PTK2: variants seen among roughly 807,000 people sequenced by gnomAD.
PTK2 encodes the protein focal adhesion kinase 1.
In PTK2, 45 loss-of-function variants were observed where a neutral mutation model predicts 150.1. The ratio of observed to expected loss-of-function variants is 0.30; its 90% CI spans 0.24 to 0.38. PTK2 has a LOEUF of 0.38. PTK2 is among the 10% of genes least tolerant of loss of function. The pLI is 1.00. For missense variants in PTK2, 919 were observed against 1,307.3 expected (o/e 0.70, Z 4.58); for synonymous variants, 432 against 449.2 (o/e 0.96, Z 0.48).
intron 2 of PTK2, among the ~76,000 whole-genome samples, chr8:140,891,714 T>C (rs1313780192): frequency 6.6e-6 from 1 of 152,142 alleles, no homozygotes; most frequent in Non-Finnish European, 1.5e-5. Context: ...CTGCAGGTTG[T>C]CTCCTGAAGA....
intron 4 of PTK2, among the ~76,000 whole-genome samples, chr8:140,871,560 A>G (rs1190836481): frequency 6.6e-6 from 1 of 152,230 alleles, no homozygotes; most frequent in Non-Finnish European, 1.5e-5. Flanking sequence ...GTACTTTAGG[A>G]GACAAAGGCA....
chr8:140,661,470 C>T (rs1224971477), intron 31 of PTK2, among the ~76,000 whole-genome samples: 2 of 152,124 alleles, frequency 1.3e-5, no homozygotes, highest in Non-Finnish European at 2.9e-5. Flanking sequence ...ACTGTGGAAG[C>T]AAACAAGGAA....
intron 16 of PTK2, among the ~76,000 whole-genome samples, chr8:140,760,222 CCA>C (rs916438701): frequency 6.6e-6 from 1 of 151,486 alleles, no homozygotes; most frequent in Non-Finnish European, 1.5e-5. Flanking sequence ...CTCCGTCTCA[CCA>C]AAAAACAAAA....
chr8:140,696,767 AT>A (rs1277037942), intron 26 of PTK2, among the ~76,000 whole-genome samples: 1 of 152,184 alleles, frequency 6.6e-6, no homozygotes, highest in African/African-American at 2.4e-5. Context: ...AGAAACTTTC[AT>A]TTAATCAGTC....
At chr8:140,704,152 TA>T (rs1036935855) in intron 24 of PTK2, among the ~76,000 whole-genome samples, 1 of 152,210 alleles carries the variant, frequency 6.6e-6, no homozygotes. Flanking sequence ...AGAAAACATT[TA>T]GGAATTTTCA....
intron 26 of PTK2, among the ~76,000 whole-genome samples, chr8:140,688,364 C>T (rs759748930): frequency 3.3e-5 from 5 of 152,096 alleles, no homozygotes; most frequent in Admixed American, 6.6e-5. Flanking sequence ...TTCCCTTTCA[C>T]GTAAAAATAT....
rs139164600 is a variant in PTK2 at position 140,914,441 on chromosome 8, T to C, written c.-33+11220A>G. On this transcript the variant is annotated intron_variant, in intron 2 of 31. Coordinates refer to ENST00000522684, the Ensembl canonical transcript of PTK2. ...TGGGTTTTTTTTTTTTAATCTTTTATTTTAGGTTCAGGGGTACACATGAAG... is the reference window on the plus strand; with the variant it reads ...TGGGTTTTTTTTTTTTAATCTTTTACTTTAGGTTCAGGGGTACACATGAAG... Among the ~76,000 whole-genome samples, 1,521 of 152,104 alleles carry C rather than the reference T, an allele frequency of 1.0e-2. 25 individuals carry two copies. The highest frequency in any genetic ancestry group is 0.034 in the African/African-American group (1,431 of 41,488).
chr8:140,744,808 A>T (rs983775705), intron 18 of PTK2, 41 bp from the exon 22 acceptor site: 2 of 1,170,502 alleles, frequency 1.7e-6, no homozygotes, highest in African/African-American at 3.1e-5. Context: ...AAAAAAAAGA[A>T]TTAGTGGCAG....
At chr8:140,745,566 C>T (rs780943359) in intron 18 of PTK2, among the ~76,000 whole-genome samples, 8 of 152,294 alleles carry the variant, frequency 5.3e-5, no homozygotes, top group Admixed American at 1.3e-4. Context: ...AATGCTCCCC[C>T]GGCCCAGTGT....
chr8:140,770,910 G>T, intron 14 of PTK2, 111 bp from the exon 15 acceptor site: 1 of 340,010 alleles, frequency 2.9e-6, no homozygotes, highest in Non-Finnish European at 4.8e-6. Flanking sequence ...ATACAAAATT[G>T]CAATGCTTTT....
intron 1 of PTK2, among the ~76,000 whole-genome samples, chr8:140,951,909 A>AT (rs1555447255): frequency 4.9e-4 from 71 of 145,514 alleles, no homozygotes; most frequent in Admixed American, 5.5e-4. Context: ...AAAAAAAAAA[A>AT]TTTTTTTTTT....
At chr8:140,943,790 A>G (rs887839552) in intron 1 of PTK2, among the ~76,000 whole-genome samples, 2 of 152,188 alleles carry the variant, frequency 1.3e-5, no homozygotes, top group African/African-American at 4.8e-5. Flanking sequence ...GGTTGCAATG[A>G]TATCTCGTGT....
intron 24 of PTK2, 63 bp downstream of exon 27, chr8:140,706,056 G>T: frequency 7.5e-7 from 1 of 1,332,730 alleles, no homozygotes. Context: ...ACAATGTACC[G>T]CTCTACCCCA....
chr8:140,794,618 C>T (rs1324301382), intron 12 of PTK2, among the ~76,000 whole-genome samples: 1 of 152,190 alleles, frequency 6.6e-6, no homozygotes, highest in East Asian at 1.9e-4. Flanking sequence ...CTGAGAGCTT[C>T]CCACCCTGGG....
chr8:140,881,549 C>T (rs2100149070), intron 3 of PTK2, among the ~76,000 whole-genome samples: 1 of 152,248 alleles, frequency 6.6e-6, no homozygotes, highest in African/African-American at 2.4e-5. Flanking sequence ...CAAGAGGCGG[C>T]TCTCTCTTGT....
intron 1 of PTK2, among the ~76,000 whole-genome samples, chr8:140,936,993 A>C (rs1456983519): frequency 6.6e-6 from 1 of 152,188 alleles, no homozygotes; most frequent in Non-Finnish European, 1.5e-5. Context: ...AATAGCTAAT[A>C]AAGTAGTTTA....
At chr8:140,907,752 T>C (rs1461128578) in intron 2 of PTK2, among the ~76,000 whole-genome samples, 2 of 152,184 alleles carry the variant, frequency 1.3e-5, no homozygotes, top group Non-Finnish European at 2.9e-5. Flanking sequence ...GATATTTCTA[T>C]TGTAACTGTC....
intron 23 of PTK2, among the ~76,000 whole-genome samples, chr8:140,714,486 G>T (rs1272940582): frequency 6.7e-6 from 1 of 148,464 alleles, no homozygotes; most frequent in African/African-American, 2.5e-5. Flanking sequence ...AAGGAAGGAA[G>T]AAATAAAAAA....
chr8:141,000,207 C>G (rs2100199546), intron 1 of PTK2, among the ~76,000 whole-genome samples: 5 of 152,068 alleles, frequency 3.3e-5, no homozygotes, highest in African/African-American at 9.7e-5. Flanking sequence ...CCTAAGCCAC[C>G]GCGGCAGAGT....
Sources: allele counts gnomAD v4.1 joint callset (sites outside exome capture counted in the v4.1 genomes callset), GRCh38; gene constraint gnomAD v4.1.1; transcripts MANE v1.5; gene names NCBI Gene and HGNC (gene_info 2026-07-23, HGNC 2026-07-21).